The following PCNX2 variants were observed in gnomAD, a reference collection of about 807,000 sequenced individuals.
PCNX2 encodes pecanex 2.
A neutral mutation model predicts 223.8 loss-of-function variants in PCNX2; 168 were observed. The observed-to-expected ratio is 0.75, with a 90% CI of 0.66 to 0.85. The LOEUF is 0.85. PCNX2 is among the 40% of genes least tolerant of loss of function. PCNX2 has a pLI of 0.00. For missense variants in PCNX2, 2,507 were observed against 2,675.5 expected, an observed-to-expected ratio of 0.94 and a Z score of 1.39; for synonymous variants, 1,006 against 1,052.6, an observed-to-expected ratio of 0.96 and a Z score of 0.86.
intron 30 of PCNX2, 51 bp from the exon 31 acceptor site, chr1:232,999,430 AG>A: frequency 6.8e-7 from 1 of 1,465,790 alleles, no homozygotes; most frequent in Non-Finnish European, 9.1e-7. Flanking sequence ...TGTGTTTTCC[AG>A]TCTATTGGTT....
At chr1:233,113,850 C>T (rs1313081509) in intron 21 of PCNX2, among the ~76,000 whole-genome samples, 1 of 152,212 alleles carries the variant, frequency 6.6e-6, no homozygotes, top group Non-Finnish European at 1.5e-5. Flanking sequence ...TGAGCCTGTG[C>T]AGACTCGAAT....
chr1:233,041,801 A>G (rs1671654346), intron 25 of PCNX2, among the ~76,000 whole-genome samples: 1 of 152,234 alleles, frequency 6.6e-6, no homozygotes, highest in Non-Finnish European at 1.5e-5. Context: ...GTGAATAATT[A>G]TAAGAAAATA....
At chr1:233,274,549 A>G (rs925601630) in intron 1 of PCNX2, among the ~76,000 whole-genome samples, 1 of 152,198 alleles carries the variant, frequency 6.6e-6, no homozygotes, top group Admixed American at 6.5e-5. Flanking sequence ...ATGAGAGTAG[A>G]TGTATAGAGT....
intron 15 of PCNX2, among the ~76,000 whole-genome samples, chr1:233,198,498 T>C (rs1572060069): frequency 6.6e-6 from 1 of 152,214 alleles, no homozygotes; most frequent in Non-Finnish European, 1.5e-5. Flanking sequence ...TCTGGGTAAG[T>C]CTATAGTCCC....
intron 1 of PCNX2, among the ~76,000 whole-genome samples, chr1:233,270,893 G>A (rs1660606826): frequency 6.6e-6 from 1 of 152,150 alleles, no homozygotes; most frequent in Non-Finnish European, 1.5e-5. Flanking sequence ...CATATCAGCA[G>A]AGTCATTAAA....
chr1:233,006,268 G>A (rs550849698), intron 28 of PCNX2, among the ~76,000 whole-genome samples: 7 of 152,254 alleles, frequency 4.6e-5, no homozygotes, highest in Middle Eastern at 3.4e-3. Context: ...AGTGTACTGC[G>A]TAGGCTGTAA....
chr1:233,055,304 T>G (rs1672152864), intron 24 of PCNX2, among the ~76,000 whole-genome samples: 1 of 152,200 alleles, frequency 6.6e-6, no homozygotes, highest in African/African-American at 2.4e-5. Flanking sequence ...GTTGCTTGTT[T>G]GTTTAACTTT....
intron 25 of PCNX2, among the ~76,000 whole-genome samples, chr1:233,034,183 G>C (rs1671366971): frequency 2.6e-5 from 4 of 152,196 alleles, no homozygotes; most frequent in Admixed American, 2.6e-4. Context: ...CTGCCCTCCA[G>C]CCTGGTGACA....
intron 17 of PCNX2, among the ~76,000 whole-genome samples, chr1:233,173,410 C>T (rs1200925649): frequency 2.0e-5 from 3 of 152,188 alleles, no homozygotes; most frequent in Admixed American, 2.0e-4. Context: ...AGGTGATCCA[C>T]CCGCCTCGGC....
At chr1:233,020,851 A>C (rs188841830) in intron 26 of PCNX2, among the ~76,000 whole-genome samples, 1 of 152,244 alleles carries the variant, frequency 6.6e-6, no homozygotes, top group Admixed American at 6.5e-5. Context: ...GAACTGACCC[A>C]GTTTATTAGG....
intron 23 of PCNX2, among the ~76,000 whole-genome samples, chr1:233,062,006 G>T (rs1672424755): frequency 1.3e-5 from 2 of 152,084 alleles, no homozygotes; most frequent in Non-Finnish European, 2.9e-5. Context: ...TGATCCACCT[G>T]CCTCGGCCTC....
chr1:233,170,298 G>A (rs1679074471), intron 17 of PCNX2, among the ~76,000 whole-genome samples: 2 of 152,184 alleles, frequency 1.3e-5, no homozygotes, highest in Admixed American at 6.5e-5. Context: ...CTCTACACTT[G>A]TCAACACTTA....
At chr1:233,076,764 GA>G (rs1315079445) in intron 23 of PCNX2, among the ~76,000 whole-genome samples, 5 of 152,150 alleles carry the variant, frequency 3.3e-5, no homozygotes, top group African/African-American at 1.2e-4. Context: ...TATAAATGAA[GA>G]AATTTATTAT....
intron 32 of PCNX2, among the ~76,000 whole-genome samples, chr1:232,994,378 C>G (rs533633267): frequency 6.6e-6 from 1 of 152,372 alleles, no homozygotes; most frequent in African/African-American, 2.4e-5. Flanking sequence ...CCTGTGGCCC[C>G]TTTGTTTTGG....
At chr1:233,271,255 A>T (rs1170858722) in intron 1 of PCNX2, among the ~76,000 whole-genome samples, 9 of 152,248 alleles carry the variant, frequency 5.9e-5, no homozygotes, top group African/African-American at 2.2e-4. Flanking sequence ...ATTTAAAATT[A>T]AAAATGAAAA....
At chr1:233,148,525 G>A (rs767049132) in intron 19 of PCNX2, among the ~76,000 whole-genome samples, 1 of 150,856 alleles carries the variant, frequency 6.6e-6, no homozygotes, top group Non-Finnish European at 1.5e-5. Flanking sequence ...CTCTGCCTCC[G>A]AAGTAGCTGG....
intron 19 of PCNX2, among the ~76,000 whole-genome samples, chr1:233,143,369 G>A (rs1677239903): frequency 6.6e-6 from 1 of 152,200 alleles, no homozygotes; most frequent in Non-Finnish European, 1.5e-5. Flanking sequence ...AGAGTCTGAT[G>A]CAGTAGGTCT....
Position 233,295,566 on chromosome 1 carries a change from G to T in PCNX2, c.-88C>A. The T allele has an allele frequency of 7.9e-7, 1 of 1,263,322 alleles. No homozygotes were observed. Among genetic ancestry groups the T allele is most frequent in the Non-Finnish European group, 1.0e-6 (1 of 998,482 alleles). The allele number at this position is 1,263,322 out of a possible 1,614,324, so 78.3% of individuals were successfully genotyped here. On this transcript the variant is annotated 5_prime_UTR_variant, in exon 1 of 34. Transcript: ENST00000258229. This position sits in a 1 kb window ranked among gnomAD's most constrained non-coding sequence, Gnocchi z 4.1. The stretch of plus-strand genomic sequence containing the variant: ...CAGGCTCCCTCAGGTCTAACACCCG[G>T]GCCCGCGGGCCGCGCCCCCGCCGTC...
intron 28 of PCNX2, among the ~76,000 whole-genome samples, chr1:233,013,429 G>A (rs1330596400): frequency 6.6e-6 from 1 of 152,132 alleles, no homozygotes; most frequent in East Asian, 1.9e-4. Context: ...TGCCACCAGT[G>A]TAGACTCACA....
Sources: gnomAD v4.1 joint callset for allele counts (sites outside exome capture counted in the v4.1 genomes callset) on GRCh38, gnomAD v4.1.1 for gene constraint, Gnocchi (gnomAD v3.1) non-coding constraint, MANE v1.5 for transcripts, NCBI Gene and HGNC (gene_info 2026-07-23, HGNC 2026-07-21) for gene names.